ZNF23: variants seen among roughly 807,000 people sequenced by gnomAD.
ZNF23 encodes kruppel-like zinc finger factor X31.
ZNF23 carries 48 observed loss-of-function variants against 56.2 expected under a neutral mutation model. The ratio of observed to expected loss-of-function variants is 0.85; its 90% confidence interval spans 0.68 to 1.09. The LOEUF (loss-of-function observed/expected upper bound fraction) is 1.09, where lower values mean the gene tolerates loss of function less well. ZNF23 is among the 50% of genes least tolerant of loss of function. The probability of loss-of-function intolerance (pLI) is 0.00; values close to 1 mark genes in which losing one functional copy is unlikely to be tolerated. For missense variants in ZNF23, 805 were observed against 811.4 expected (o/e 0.99, Z 0.10); for synonymous variants, 266 against 283.3 (o/e 0.94, Z 0.61).
intron 1 of ZNF23, chr16:71,461,747 C>T (rs1384349391): frequency 1.3e-5 from 2 of 152,318 alleles, no homozygotes; most frequent in East Asian, 3.9e-4. Context: ...GCTCTGCGCT[C>T]CCACTCGGCC....
chr16:71,453,337 G>A lies in ZNF23; in HGVS notation c.174C>T (p.Leu58=). The A allele has an allele frequency of 6.3e-7, 1 of 1,598,610 alleles. No individual in the cohort carries two copies. The highest frequency in any genetic ancestry group is 1.1e-5 in the South Asian group (1 of 88,128). Residue 58 remains leucine (L), a synonymous_variant, in exon 4 of 5, where the codon CTC becomes CTT. Coordinates refer to ENST00000647773, the MANE Select transcript of ZNF23 (RefSeq NM_001381984.1). The part of the protein sequence containing the change: ...GNVASLGFPL[L]KPAVISQLEG... ...CCAGTTGTGAGATCACAGCAGGTTTGAGAAGTGGAAATCCTGGTTTGGGAG... is the reference window on the plus strand; with the variant it reads ...CCAGTTGTGAGATCACAGCAGGTTTAAGAAGTGGAAATCCTGGTTTGGGAG...
chr16:71,460,024 C>T (rs1006628535), intron 1 of ZNF23, among the ~76,000 whole-genome samples: 1 of 152,234 alleles, frequency 6.6e-6, no homozygotes, highest in East Asian at 1.9e-4. Flanking sequence ...CCTTGAAGAC[C>T]GGGCAGTGAG....
At chr16:71,459,849 G>A (rs950349883) in intron 1 of ZNF23, among the ~76,000 whole-genome samples, 3 of 152,028 alleles carry the variant, frequency 2.0e-5, no homozygotes, top group Non-Finnish European at 4.4e-5. Flanking sequence ...TGTGACTCAT[G>A]TCCATTTAAA....
chr16:71,458,462 T>G (rs2043317920), intron 1 of ZNF23, among the ~76,000 whole-genome samples: 2 of 152,308 alleles, frequency 1.3e-5, no homozygotes, highest in South Asian at 2.1e-4. Flanking sequence ...TTTCTAGACC[T>G]TTTTCCCAGG....
At position 71,448,313 on chromosome 16, in the gene ZNF23, A is replaced by G. The variant is rs2042919937; in HGVS notation, c.1841T>C (p.Val614Ala). ...QCKECGKAFH[V>A]NAHLIRHQRS... ...CTGATGCCGAATTAAATGGGCATTA[A>G]CATGGAAGGCTTTTCCACACTCCTT... The change falls in exon 5 of 5, where the codon GTT (valine) becomes GCT (alanine). Residue 614 changes from valine (V) to alanine (A), a missense_variant. By Grantham distance (64) the Val-to-Ala change is moderately conservative. Coordinates refer to ENST00000647773, the MANE Select transcript of ZNF23 (RefSeq NM_001381984.1). 1.9e-6 allele frequency: 3 copies of G among 1,613,646 alleles called. No homozygotes were observed. The South Asian group carries it at 3.3e-5, about 18-fold the overall frequency.
chr16:71,448,939 C>A lies in ZNF23; in HGVS notation c.1215G>T (p.Lys405Asn), dbSNP rs1281497579. 1.2e-6 allele frequency: 2 copies of A among 1,614,090 alleles called. No homozygotes were observed. The highest frequency in any genetic ancestry group is 1.7e-6 in the Non-Finnish European group (2 of 1,180,022). ...TTCCACACTCTTTACACTGATAGGG[C>A]TTTTCTCCTGTGTGGATGCTCTGAT... ...RQHQSIHTGE[K>N]PYQCKECGKG... is the part of the protein sequence containing the mutation. Residue 405 changes from lysine (K) to asparagine (N), a missense_variant, in exon 5 of 5, where the codon AAG becomes AAT. Lys to Asn is a moderately conservative substitution (Grantham distance 94, BLOSUM62 0). Transcript: ENST00000647773.
chr16:71,448,702 A>AATT lies in ZNF23; in HGVS notation c.1449_1451dup (p.Ile484dup), dbSNP rs2042938136. ...ACTCATAGGGCTTCTCCCCAGTGTG[A>AATT]ATTCTCAGATGCTGCCGAAATTGGG... On this transcript the variant is annotated inframe_insertion, in exon 5 of 5. Transcript: ENST00000647773. The AATT allele has an allele frequency of 5.6e-6, 9 of 1,613,834 alleles. No homozygotes were observed. The highest frequency in any genetic ancestry group is 7.6e-6 in the Non-Finnish European group (9 of 1,179,930).
chr16:71,461,157 T>C (rs886543411), intron 1 of ZNF23, among the ~76,000 whole-genome samples: 1 of 152,138 alleles, frequency 6.6e-6, no homozygotes, highest in Non-Finnish European at 1.5e-5. Flanking sequence ...CTGTTACCTC[T>C]AGGGGTTGGA....
chr16:71,461,381 T>C (rs1189117040), intron 1 of ZNF23, among the ~76,000 whole-genome samples: 1 of 152,114 alleles, frequency 6.6e-6, no homozygotes, highest in African/African-American at 2.4e-5. Context: ...TGCTTAACTA[T>C]ACTACAGTGA....
chr16:71,456,876 C>T (rs756050808), intron 1 of ZNF23, 48 bp from the exon 2 acceptor site: 22 of 801,920 alleles, frequency 2.7e-5, no homozygotes, highest in African/African-American at 5.6e-5. Context: ...GCCACCCCAA[C>T]CAGAGCAACA....
At chr16:71,456,195 G>C (rs2043226599) in intron 2 of ZNF23, 1 of 381,806 alleles carries the variant, frequency 2.6e-6, no homozygotes, top group Non-Finnish European at 5.2e-6. Context: ...CTTTCCTGCA[G>C]GACAGGGTGG....
intron 4 of ZNF23, chr16:71,450,943 C>G (rs944308231): frequency 1.7e-5 from 3 of 176,652 alleles, no homozygotes; most frequent in African/African-American, 7.2e-5. Flanking sequence ...GTCAGCAGCA[C>G]CAGGGAGCAA....
At chr16:71,454,220 TA>T in intron 2 of ZNF23, 52 bp from the exon 3 acceptor site, 5 of 1,584,022 alleles carry the variant, frequency 3.2e-6, no homozygotes, top group Non-Finnish European at 4.3e-6. Flanking sequence ...GCTCAGGCCC[TA>T]AGTGAGGGGC....
chr16:71,449,435 T>C lies in ZNF23; in HGVS notation c.719A>G (p.Gln240Arg), dbSNP rs767923240. 2.5e-6 allele frequency: 4 copies of C among 1,614,254 alleles called. No homozygotes were observed. The highest frequency in any genetic ancestry group is 2.2e-5 in the East Asian group (1 of 44,888). The change falls in exon 5 of 5, where the codon CAG becomes CGG. Residue 240 changes from glutamine (Q) to arginine (R), a missense_variant. Coordinates refer to ENST00000647773, the MANE Select transcript of ZNF23 (RefSeq NM_001381984.1). ...QENNTEEKPY[Q>R]CSECGKAFSI... ...GAAAGCTTTGCCACACTCCGAACAC[T>C]GATAAGGCTTTTCCTCAGTGTTGTT...
rs1177587177 is a variant in ZNF23, at chr16:71,454,045, G to A, written c.157C>T (p.Leu53=). 1.9e-6 allele frequency: 3 copies of A among 1,614,116 alleles called. No homozygotes were observed. Among genetic ancestry groups the A allele is most frequent in the East Asian group, 4.5e-5 (2 of 44,872 alleles). ...TCCCAGGGTAGAGAGGTCTTACCCA[G>A]GGAGGCCACATTCCCATAATTCTCC... ...MLENYGNVAS[L]GFPLLKPAVI... The change falls in exon 3 of 5, where the codon CTG becomes TTG. Residue 53 remains leucine (L), a synonymous_variant. Transcript: ENST00000647773.
intron 2 of ZNF23, among the ~76,000 whole-genome samples, chr16:71,455,641 G>A (rs1402224718): frequency 6.6e-6 from 1 of 152,074 alleles, no homozygotes; most frequent in Non-Finnish European, 1.5e-5. Context: ...ACAGGTGTGA[G>A]CCACCACACC....
intron 2 of ZNF23, among the ~76,000 whole-genome samples, chr16:71,454,634 C>T (rs886237278): frequency 6.6e-6 from 1 of 152,150 alleles, no homozygotes; most frequent in Non-Finnish European, 1.5e-5. Context: ...TCCAGCCCCA[C>T]CAGATTCCCT....
chr16:71,454,868 C>T (rs8051974), intron 2 of ZNF23, among the ~76,000 whole-genome samples: 22,682 of 152,192 alleles, frequency 0.15, 1,925 homozygotes, highest in Middle Eastern at 0.22. Context: ...GGCTACTCTC[C>T]CCTTTGCATC....
intron 2 of ZNF23, among the ~76,000 whole-genome samples, chr16:71,455,359 A>G (rs540579473): frequency 1.2e-3 from 179 of 148,054 alleles, no homozygotes; most frequent in Non-Finnish European, 2.0e-3. Flanking sequence ...TGTCCGAAAG[A>G]TTTTTTTTTT....
Sources: gnomAD v4.1 joint callset for allele counts (sites outside exome capture counted in the v4.1 genomes callset) on GRCh38, gnomAD v4.1.1 for gene constraint, MANE v1.5 for transcripts, NCBI Gene and HGNC (gene_info 2026-07-23, HGNC 2026-07-21) for gene names.